Variants in HAPSTR1 observed in about 807,000 individuals in gnomAD.
The protein encoded by HAPSTR1 is HUWE1-associated protein modifying stress responses 1.
At chr16:9,118,311 C>CCATTG in the HAPSTR1 span, 1 of 152,604 alleles carries the variant, frequency 6.6e-6, no homozygotes, top group Non-Finnish European at 1.5e-5. Flanking sequence ...CCTTAAAAGA[C>CCATTG]CATTGCAAAT....
the HAPSTR1 span, chr16:9,116,674 G>A: frequency 2.5e-6 from 4 of 1,613,674 alleles, no homozygotes; most frequent in Non-Finnish European, 3.4e-6. Flanking sequence ...CTAGGTCTTA[G>A]TGGTGCAATG....
the HAPSTR1 span, among the ~76,000 whole-genome samples, chr16:9,093,864 T>C: frequency 0.66 from 100,213 of 151,252 alleles, 34,192 homozygotes; most frequent in African/African-American, 0.83. Flanking sequence ...GGCAAGATTT[T>C]TATGGAAAAA....
chr16:9,101,150 C>A, the HAPSTR1 span, among the ~76,000 whole-genome samples: 2 of 152,208 alleles, frequency 1.3e-5, no homozygotes, highest in African/African-American at 4.8e-5. Flanking sequence ...CCAGCTCTTT[C>A]AGAATCATTT....
the HAPSTR1 span, among the ~76,000 whole-genome samples, chr16:9,092,697 C>T: frequency 6.6e-6 from 1 of 152,108 alleles, no homozygotes; most frequent in Non-Finnish European, 1.5e-5. Flanking sequence ...CTGATCTGTG[C>T]CCCTGAGCTC....
the HAPSTR1 span, chr16:9,110,622 A>G: frequency 6.6e-6 from 1 of 152,238 alleles, no homozygotes; most frequent in Non-Finnish European, 1.5e-5. Flanking sequence ...ATTTAATTGT[A>G]TTTAGCTCTG....
chr16:9,112,143 A>C, the HAPSTR1 span: 1 of 152,178 alleles, frequency 6.6e-6, no homozygotes, highest in African/African-American at 2.4e-5. Context: ...AATTACTGAA[A>C]TCTTCCTAGT....
chr16:9,100,889 A>C, the HAPSTR1 span, among the ~76,000 whole-genome samples: 1 of 152,036 alleles, frequency 6.6e-6, no homozygotes, highest in Non-Finnish European at 1.5e-5. Context: ...TATCCCTTTT[A>C]CTATGCTTTA....
chr16:9,113,419 T>C, the HAPSTR1 span, among the ~76,000 whole-genome samples: 310 of 152,298 alleles, frequency 2.0e-3, 1 homozygote, highest in Middle Eastern at 6.8e-3. Context: ...ACATCTTCTT[T>C]TTCATGGAGA....
At chr16:9,111,997 G>A in the HAPSTR1 span, 1 of 152,158 alleles carries the variant, frequency 6.6e-6, no homozygotes, top group Non-Finnish European at 1.5e-5. Flanking sequence ...AACATTTGGG[G>A]CTGTCAGCAT....
chr16:9,108,354 T>A, the HAPSTR1 span: 1 of 152,186 alleles, frequency 6.6e-6, no homozygotes, highest in Admixed American at 6.5e-5. Flanking sequence ...TTATTTTTGA[T>A]TTTTTATTTT....
the HAPSTR1 span, among the ~76,000 whole-genome samples, chr16:9,092,457 TGGG>T: frequency 9.9e-5 from 15 of 151,848 alleles, no homozygotes; most frequent in Admixed American, 9.2e-4. Flanking sequence ...GGCCCGGGGT[TGGG>T]GGGACAGGCC....
chr16:9,119,300 A>G, the HAPSTR1 span: 1 of 152,364 alleles, frequency 6.6e-6, no homozygotes, highest in East Asian at 1.9e-4. Flanking sequence ...TGCAAAACAA[A>G]TCATGGAAGA....
the HAPSTR1 span, chr16:9,117,042 G>T: frequency 1.5e-6 from 2 of 1,371,452 alleles, no homozygotes; most frequent in Admixed American, 5.0e-5. Context: ...TTCTATAGTG[G>T]TTGCCATAAA....
chr16:9,093,309 C>T, the HAPSTR1 span, among the ~76,000 whole-genome samples: 1 of 152,124 alleles, frequency 6.6e-6, no homozygotes, highest in African/African-American at 2.4e-5. Flanking sequence ...ATAACCGCCC[C>T]GGCCCCCTCT....
At chr16:9,116,576 C>G in the HAPSTR1 span, 9 of 1,490,522 alleles carry the variant, frequency 6.0e-6, no homozygotes, top group Non-Finnish European at 8.2e-6. Context: ...GGCAGACATG[C>G]TTTGACATTG....
the HAPSTR1 span, among the ~76,000 whole-genome samples, chr16:9,099,657 C>T: frequency 6.6e-6 from 1 of 152,208 alleles, no homozygotes; most frequent in Non-Finnish European, 1.5e-5. Context: ...GCCACAGCTT[C>T]TGTGCTGTTT....
the HAPSTR1 span, among the ~76,000 whole-genome samples, chr16:9,095,368 A>C: frequency 6.6e-6 from 1 of 152,338 alleles, no homozygotes; most frequent in South Asian, 2.1e-4. Flanking sequence ...TGGTGTCACA[A>C]GTGCATGCAG....
At chr16:9,105,556 A>G in the HAPSTR1 span, 29 of 152,254 alleles carry the variant, frequency 1.9e-4, no homozygotes, top group African/African-American at 6.3e-4. Flanking sequence ...TTAACTAGTA[A>G]CATAGATTAG....
the HAPSTR1 span, among the ~76,000 whole-genome samples, chr16:9,092,539 C>T: frequency 1.3e-5 from 2 of 152,274 alleles, no homozygotes; most frequent in African/African-American, 4.8e-5. Context: ...CCCGGCCACC[C>T]GGTGTCCCCC....
Sources: gnomAD v4.1 joint callset for allele counts (sites outside exome capture counted in the v4.1 genomes callset) on GRCh38, gnomAD v4.1.1 for gene constraint, MANE v1.5 for transcripts, NCBI Gene and HGNC (gene_info 2026-07-23, HGNC 2026-07-21) for gene names.